C1QTNF5: variants seen among roughly 807,000 people sequenced by gnomAD.
C1QTNF5 encodes the protein complement C1q tumor necrosis factor-related protein 5.
C1QTNF5 carries 5 observed loss-of-function variants against 10.9 expected under a neutral mutation model. The observed-to-expected ratio is 0.46, with a 90% CI of 0.24 to 0.97. C1QTNF5 has a LOEUF of 0.97. Among genes scored for constraint, C1QTNF5 ranks in the 50% least tolerant of loss-of-function variants. The pLI is 0.19. For synonymous variants in C1QTNF5, 161 were observed against 156.5 expected (o/e 1.03, Z -0.22); for missense variants, 281 against 339.4 (o/e 0.83, Z 1.35).
rs1293430657 is a variant in C1QTNF5, at chr11:119,339,001, G to C, written c.*330C>G. ...AAAGGGCCGGCCCCAGGAGCAGGAG[G>C]GGGTGGGGAGGATCCAGAGAAGCAG... On this transcript the variant is annotated 3_prime_UTR_variant, in exon 3 of 3. Coordinates refer to ENST00000528368, the MANE Select transcript of C1QTNF5 (RefSeq NM_001278431.2). The surrounding 1 kb of genome is among the most constrained non-coding windows in gnomAD (Gnocchi z 5.4). The C allele has an allele frequency of 1.1e-5, 3 of 264,824 alleles. No individual in the cohort carries two copies. The highest frequency in any genetic ancestry group is 4.4e-5 in the African/African-American group (2 of 45,706). 16.4% of individuals were successfully genotyped at this position (264,824 alleles called of 1,614,324 possible).
At chr11:119,344,425 A>G (rs982977398), upstream of C1QTNF5, 6 of 1,601,868 alleles carry the variant, frequency 3.7e-6, no homozygotes, top group African/African-American at 1.3e-5. Context: ...TGAGTTTGCT[A>G]GGATCTGTGC....
At chr11:119,344,868 A>C, upstream of C1QTNF5, 3 of 1,613,190 alleles carry the variant, frequency 1.9e-6, no homozygotes, top group Non-Finnish European at 2.5e-6. Context: ...GTGGGAACAC[A>C]CTCACCGCGC....
At chr11:119,340,489 C>A (rs1950491638) in intron 1 of C1QTNF5, 49 bp from the exon 2 acceptor site, 3 of 1,353,058 alleles carry the variant, frequency 2.2e-6, no homozygotes, top group African/African-American at 1.5e-5. Context: ...CTGGGACCTG[C>A]CTCTCTCCCC....
At chr11:119,345,426 A>AG, upstream of C1QTNF5, 2 of 1,613,722 alleles carry the variant, frequency 1.2e-6, no homozygotes, top group Non-Finnish European at 8.5e-7. Flanking sequence ...CTACCTGAGG[A>AG]GGGGGCCTTC....
upstream of C1QTNF5, chr11:119,342,001 G>A: frequency 1.2e-6 from 2 of 1,613,012 alleles, no homozygotes; most frequent in Non-Finnish European, 1.7e-6. Flanking sequence ...GGGTGGAGGG[G>A]AGGGCCACTG....
At chr11:119,345,108 G>T (rs1330683965), upstream of C1QTNF5, 2 of 1,455,472 alleles carry the variant, frequency 1.4e-6, no homozygotes, top group Non-Finnish European at 1.9e-6. Context: ...CCCCAAACTG[G>T]TGACCATGTG....
chr11:119,345,196 C>T (rs1190171146), upstream of C1QTNF5, among the ~76,000 whole-genome samples: 1 of 152,200 alleles, frequency 6.6e-6, no homozygotes, highest in Admixed American at 6.5e-5. Context: ...AGCATCTACT[C>T]ATGGGGAGAT....
At chr11:119,343,322 G>C (rs546181930), upstream of C1QTNF5, among the ~76,000 whole-genome samples, 2 of 152,184 alleles carry the variant, frequency 1.3e-5, no homozygotes, top group Non-Finnish European at 2.9e-5. Context: ...ACCAGCCTGG[G>C]CGATATAGTG....
chr11:119,341,673 G>A (rs374823079), upstream of C1QTNF5: 65 of 1,613,096 alleles, frequency 4.0e-5, no homozygotes, highest in Admixed American at 3.3e-4. Flanking sequence ...CAGACAGAGC[G>A]GCAAGGGGGC....
rs1135258 is a variant in C1QTNF5, at chr11:119,339,873, G to T, written c.215-25C>A. Reference sequence around the variant, plus strand: ...CCTGCGGGGTAAGCGGGGCGGCAGGGTGAGAGTAGCGGCGGCTCAGCCCGC... The same window carrying T: ...CCTGCGGGGTAAGCGGGGCGGCAGGTTGAGAGTAGCGGCGGCTCAGCCCGC... On this transcript the variant is annotated intron_variant, in intron 2 of 2. Transcript: ENST00000528368. The surrounding 1 kb of genome is among the most constrained non-coding windows in gnomAD (Gnocchi z 5.4). The T allele has an allele frequency of 0.43, 625,622 of 1,447,874 alleles. 139,868 individuals carry two copies. Among genetic ancestry groups the T allele is most frequent in the Admixed American group, 0.48 (17,840 of 37,004 alleles). The allele number at this position is 1,447,874 out of a possible 1,614,324, so 89.7% of individuals were successfully genotyped here.
upstream of C1QTNF5, chr11:119,342,627 G>GTCA: frequency 6.2e-7 from 1 of 1,613,576 alleles, no homozygotes; most frequent in African/African-American, 1.3e-5. Flanking sequence ...CGCTGCAGTT[G>GTCA]TCATCGCTGC....
chr11:119,339,253 G>A lies in C1QTNF5; in HGVS notation c.*78C>T. ...CATTCACAATATTCCAGGGGGGCCAGCCCTCCTGGATGACCTGGTTGTCAG... is the reference window on the plus strand; with the variant it reads ...CATTCACAATATTCCAGGGGGGCCAACCCTCCTGGATGACCTGGTTGTCAG... On this transcript the variant is annotated 3_prime_UTR_variant, in exon 3 of 3. Coordinates refer to ENST00000528368, the MANE Select transcript of C1QTNF5 (RefSeq NM_001278431.2). The surrounding 1 kb of genome is among the most constrained non-coding windows in gnomAD (Gnocchi z 5.4). 1 of 1,506,194 alleles carries A rather than the reference G, an allele frequency of 6.6e-7. No individual in the cohort carries two copies. The highest frequency in any genetic ancestry group is 9.0e-7 in the Non-Finnish European group (1 of 1,108,224). 93.3% of individuals were successfully genotyped at this position (1,506,194 alleles called of 1,614,324 possible). A position where few individuals can be genotyped will look rare whatever the true frequency, so the allele number is the denominator to read the frequency against.
chr11:119,340,675 C>T lies in C1QTNF5; in HGVS notation c.-44+20G>A. 1 of 480,238 alleles carries T rather than the reference C, an allele frequency of 2.1e-6. No individual in the cohort carries two copies. Among genetic ancestry groups the T allele is most frequent in the South Asian group, 2.5e-5 (1 of 40,022 alleles). 29.7% of individuals were successfully genotyped at this position (480,238 alleles called of 1,614,324 possible). A position where few individuals can be genotyped will look rare whatever the true frequency, so the allele number is the denominator to read the frequency against. On this transcript the variant is annotated intron_variant, in intron 1 of 2. Transcript: ENST00000528368. ...CACAGTCCCCTCCCCAGCCCCTTTC[C>T]CCTCCTCCGCCAGACTCACCCCCCC...
upstream of C1QTNF5, chr11:119,344,059 G>A (rs1268520880): frequency 1.8e-5 from 27 of 1,519,272 alleles, no homozygotes; most frequent in Non-Finnish European, 2.2e-5. Context: ...CTGGCTGGGG[G>A]GATGGGGTGG....
At chr11:119,343,382 T>G (rs1350961555), upstream of C1QTNF5, among the ~76,000 whole-genome samples, 1 of 152,200 alleles carries the variant, frequency 6.6e-6, no homozygotes, top group Non-Finnish European at 1.5e-5. Context: ...CTGGGCGTGG[T>G]GGCATGTGCC....
chr11:119,340,510 G>A, intron 1 of C1QTNF5, 70 bp from the exon 2 acceptor site: 2 of 1,196,526 alleles, frequency 1.7e-6, no homozygotes, highest in Non-Finnish European at 2.4e-6. Context: ...ACCCCGGCGC[G>A]GCCCAGTCGG....
At chr11:119,343,720 G>C (rs190559793), upstream of C1QTNF5, 2 of 1,501,550 alleles carry the variant, frequency 1.3e-6, no homozygotes, top group East Asian at 4.5e-5. Context: ...AGAAGAAAAT[G>C]AAGCTGGAGA....
chr11:119,345,357 G>C (rs1488239849), upstream of C1QTNF5: 5 of 1,537,842 alleles, frequency 3.3e-6, no homozygotes, highest in East Asian at 1.1e-4. Context: ...GCCACTCCCT[G>C]ATTCTGCTCT....
At chr11:119,343,466 A>G (rs977551697), upstream of C1QTNF5, among the ~76,000 whole-genome samples, 2 of 152,226 alleles carry the variant, frequency 1.3e-5, no homozygotes, top group Admixed American at 1.3e-4. Context: ...GCAGTGAGCC[A>G]TGATGGTGCT....
Sources: allele counts gnomAD v4.1 joint callset (sites outside exome capture counted in the v4.1 genomes callset), GRCh38; gene constraint gnomAD v4.1.1; non-coding constraint Gnocchi (gnomAD v3.1); transcripts MANE v1.5; gene names NCBI Gene and HGNC (gene_info 2026-07-23, HGNC 2026-07-21).